Variants in CRYBG3 observed in about 807,000 individuals in gnomAD.
CRYBG3 encodes the protein crystallin beta-gamma domain containing 3.
Under a neutral mutation model 244.2 loss-of-function variants are expected in CRYBG3, and 127 were observed. The observed-to-expected ratio is 0.52, with a 90% CI of 0.45 to 0.60. The LOEUF (loss-of-function observed/expected upper bound fraction) is 0.60. CRYBG3 is among the 20% of genes least tolerant of loss of function. CRYBG3 has a pLI of 0.00. For synonymous variants in CRYBG3, 1,132 were observed against 1,195.8 expected, an observed-to-expected ratio of 0.95 and a Z score of 1.10; for missense variants, 3,325 against 3,442.5, an observed-to-expected ratio of 0.97 and a Z score of 0.85.
chr3:97,891,954 G>A (rs1251803277), intron 10 of CRYBG3, among the ~76,000 whole-genome samples: 1 of 152,128 alleles, frequency 6.6e-6, no homozygotes, highest in African/African-American at 2.4e-5. Context: ...AAAATGCCTT[G>A]AACATCCCAA....
Position 97,873,333 on chromosome 3 carries a change from C to T in CRYBG3, c.2139C>T (p.Gly713=). 4.6e-6 allele frequency: 7 copies of T among 1,535,916 alleles called. No homozygotes were observed. Among genetic ancestry groups the T allele is most frequent in the Non-Finnish European group, 6.1e-6 (7 of 1,146,792 alleles). The change falls in exon 4 of 22, where the codon GGC becomes GGT. Residue 713 remains glycine (G), a synonymous_variant. Coordinates refer to ENST00000389622, the MANE Select transcript of CRYBG3 (RefSeq NM_153605.4). ...ENVKNHVEAA[G]RKSPPPSFCL... is the part of the protein sequence containing the mutation. ...TGAAAAACCATGTTGAGGCTGCAGG[C>T]AGGAAGAGTCCTCCTCCTTCCTTTT...
At chr3:97,833,151 G>A (rs572966733) in intron 1 of CRYBG3, among the ~76,000 whole-genome samples, 1 of 152,312 alleles carries the variant, frequency 6.6e-6, no homozygotes, top group South Asian at 2.1e-4. Flanking sequence ...GGAAGACAGT[G>A]TGGCGATTCC....
At chr3:97,894,859 A>G (rs905403367) in intron 11 of CRYBG3, among the ~76,000 whole-genome samples, 2 of 152,162 alleles carry the variant, frequency 1.3e-5, no homozygotes, top group African/African-American at 4.8e-5. Context: ...ATATACTGAG[A>G]TGTATAAATA....
Position 97,875,268 on chromosome 3 carries a change from C to G in CRYBG3, c.4074C>G (p.Phe1358Leu). 6.8e-7 allele frequency: 1 copy of G among 1,476,684 alleles called. No individual in the cohort carries two copies. Among genetic ancestry groups the G allele is most frequent in the South Asian group, 1.4e-5 (1 of 73,682 alleles). The allele number at this position is 1,476,684 out of a possible 1,614,324, so 91.5% of individuals were successfully genotyped here. The change falls in exon 4 of 22, where the codon TTC becomes TTG. Residue 1358 changes from phenylalanine (F) to leucine (L), a missense_variant. Physicochemically the swap from Phe to Leu is conservative, Grantham distance 22. Around this residue, in one of 4 missense-constraint regions of CRYBG3, gnomAD observed 635 missense variants for 771.7 expected, o/e 0.82. Coordinates refer to ENST00000389622, the MANE Select transcript of CRYBG3 (RefSeq NM_153605.4). ...AGCCACATGATGTAGTTAGAGAGTT[C>G]TTGGTTTCAGAACAGCCAGTAAATC... is the stretch of plus-strand genomic sequence containing the variant. ...SVKPHDVVRE[F>L]LVSEQPVNQS...
intron 1 of CRYBG3, among the ~76,000 whole-genome samples, chr3:97,837,304 G>C (rs1165330099): frequency 5.9e-5 from 9 of 152,108 alleles, no homozygotes; most frequent in Non-Finnish European, 1.3e-4. Context: ...AGTTGGGTCA[G>C]GTGGGCTCTG....
intron 17 of CRYBG3, among the ~76,000 whole-genome samples, chr3:97,920,534 C>T (rs917698813): frequency 6.6e-6 from 1 of 151,816 alleles, no homozygotes; most frequent in Non-Finnish European, 1.5e-5. Context: ...TTACCCCCCT[C>T]CCCCCACTTT....
At chr3:97,934,005 A>G (rs1374279610) in intron 18 of CRYBG3, among the ~76,000 whole-genome samples, 172 bp downstream of exon 18, 1 of 152,136 alleles carries the variant, frequency 6.6e-6, no homozygotes, top group Non-Finnish European at 1.5e-5. Flanking sequence ...GAGTAGGTCA[A>G]TCAAATGACT....
At chr3:97,939,232 G>T (rs747399939) in intron 19 of CRYBG3, among the ~76,000 whole-genome samples, 2 of 151,912 alleles carry the variant, frequency 1.3e-5, no homozygotes, top group Non-Finnish European at 2.9e-5. Context: ...TTCACTGTGC[G>T]TTAGGAGCTA....
chr3:97,854,276 G>T (rs541359246), intron 2 of CRYBG3, among the ~76,000 whole-genome samples: 21 of 151,930 alleles, frequency 1.4e-4, no homozygotes, highest in Admixed American at 7.2e-4. Flanking sequence ...TTGTTTTTTT[G>T]TTGTTGTTTG....
At chr3:97,841,015 A>G (rs1289149993) in intron 1 of CRYBG3, among the ~76,000 whole-genome samples, 1 of 152,016 alleles carries the variant, frequency 6.6e-6, no homozygotes, top group African/African-American at 2.4e-5. Flanking sequence ...AAAATAGAAA[A>G]AAAGAGATAA....
chr3:97,854,893 G>A (rs79813482), intron 2 of CRYBG3, among the ~76,000 whole-genome samples: 1 of 151,880 alleles, frequency 6.6e-6, no homozygotes, highest in African/African-American at 2.4e-5. Flanking sequence ...TACTATATTG[G>A]ATAAGAGTAG....
chr3:97,827,656 A>G (rs2038596006), intron 1 of CRYBG3, among the ~76,000 whole-genome samples: 1 of 152,214 alleles, frequency 6.6e-6, no homozygotes, highest in Admixed American at 6.5e-5. Flanking sequence ...GGGTACCCTT[A>G]ATACCCTTTA....
rs1398691905 is a variant in CRYBG3, at chr3:97,876,382, G to A, written c.5188G>A (p.Glu1730Lys). Residue 1730 changes from glutamate to lysine, a missense_variant, in exon 4 of 22, where the codon GAA becomes AAA. By Grantham distance (56) the Glu-to-Lys change is moderately conservative (BLOSUM62 1). Around this residue, in one of 4 missense-constraint regions of CRYBG3, gnomAD observed 635 missense variants for 771.7 expected, o/e 0.82. Transcript: ENST00000389622. ...TGCTGAAGGGGATATTGGAAAGGCT[G>A]AAGTGATGCCTGTGAGGTTAGAAAT... ...KDAEGDIGKA[E>K]VMPVRLEMEN... 2.4e-6 allele frequency: 3 copies of A among 1,232,122 alleles called. No individual in the cohort carries two copies. Among genetic ancestry groups the A allele is most frequent in the Non-Finnish European group, 3.0e-6 (3 of 987,968 alleles). The allele number at this position is 1,232,122 out of a possible 1,614,324, so 76.3% of individuals were successfully genotyped here. A position where few individuals can be genotyped will look rare whatever the true frequency, so the allele number is the denominator to read the frequency against.
intron 17 of CRYBG3, among the ~76,000 whole-genome samples, chr3:97,928,823 A>C (rs2040067095): frequency 1.3e-5 from 2 of 151,904 alleles, no homozygotes; most frequent in Admixed American, 1.3e-4. Flanking sequence ...ACTAGGAAAA[A>C]AATTTTTGAT....
chr3:97,895,332 A>T (rs145010638), intron 11 of CRYBG3, among the ~76,000 whole-genome samples: 109 of 152,312 alleles, frequency 7.2e-4, no homozygotes, highest in African/African-American at 2.4e-3. Context: ...ATAGTTTTAG[A>T]TTAGAAGTCA....
intron 2 of CRYBG3, among the ~76,000 whole-genome samples, chr3:97,863,090 C>A (rs2108202398): frequency 6.6e-6 from 1 of 152,210 alleles, no homozygotes; most frequent in South Asian, 2.1e-4. Context: ...AGATCAGATT[C>A]TTATAAAACA....
intron 7 of CRYBG3, among the ~76,000 whole-genome samples, chr3:97,882,208 A>G (rs993840999): frequency 7.9e-4 from 8 of 10,176 alleles, no homozygotes; most frequent in Admixed American, 1.9e-3. Context: ...ACTCTGTCTA[A>G]TAATAATAAT....
chr3:97,855,479 G>T (rs574270332), intron 2 of CRYBG3, among the ~76,000 whole-genome samples: 1 of 151,736 alleles, frequency 6.6e-6, no homozygotes, highest in South Asian at 2.1e-4. Context: ...GCTTTTCTTT[G>T]TTGGGAGACT....
chr3:97,877,703 G>A lies in CRYBG3; in HGVS notation c.6509G>A (p.Arg2170His), dbSNP rs761041275. ...KGDLRAGSGE[R>H]VTFQLPDPSI... ...GATCTGAGAGCTGGAAGTGGGGAGC[G>A]TGTTACCTTCCAGTTGCCAGATCCT... Residue 2170 changes from arginine (R) to histidine (H), a missense_variant, in exon 4 of 22, where the codon CGT becomes CAT. Around this residue, in one of 4 missense-constraint regions of CRYBG3, gnomAD observed 450 missense variants for 424.1 expected, o/e 1.06. Coordinates refer to ENST00000389622, the MANE Select transcript of CRYBG3 (RefSeq NM_153605.4). The A allele has an allele frequency of 4.3e-6, 7 of 1,614,004 alleles. No homozygotes were observed. Among genetic ancestry groups the A allele is most frequent in the South Asian group, 1.1e-5 (1 of 91,076 alleles).
Sources: gnomAD v4.1 joint callset for allele counts (sites outside exome capture counted in the v4.1 genomes callset) on GRCh38, gnomAD v4.1.1 for gene constraint, gnomAD v4.1.1 regional missense constraint, MANE v1.5 for transcripts, NCBI Gene and HGNC (gene_info 2026-07-23, HGNC 2026-07-21) for gene names.